Variants in TMEM182 observed in about 807,000 individuals in gnomAD.
TMEM182 encodes the protein transmembrane protein 182.
A neutral mutation model predicts 26.8 loss-of-function variants in TMEM182; 20 were observed. The ratio of observed to expected loss-of-function variants is 0.75; its 90% confidence interval spans 0.53 to 1.09. The LOEUF is 1.09. Among genes scored for constraint, TMEM182 ranks in the 50% least tolerant of loss-of-function variants. TMEM182 has a pLI of 0.00. For synonymous variants in TMEM182, 109 were observed against 102.2 expected (o/e 1.07, Z -0.40); for missense variants, 277 against 275.5 (o/e 1.01, Z -0.04).
chr2:102,779,436 T>C (rs1344925984), intron 3 of TMEM182, among the ~76,000 whole-genome samples: 1 of 152,216 alleles, frequency 6.6e-6, no homozygotes, highest in African/African-American at 2.4e-5. Context: ...TTTCTTCTGC[T>C]CTTCTGAGAT....
intron 3 of TMEM182, among the ~76,000 whole-genome samples, chr2:102,824,998 G>T (rs958432129): frequency 4.6e-5 from 7 of 152,154 alleles, no homozygotes; most frequent in African/African-American, 1.7e-4. Context: ...CTTTATAGGA[G>T]TGTGAGAAGG....
In TMEM182 at chr2:102,817,243, C is replaced by G. The variant is rs1396705117; in HGVS notation, c.*2275C>G. The G allele has an allele frequency of 2.0e-6, 2 of 985,076 alleles. No homozygotes were observed. Among genetic ancestry groups the G allele is most frequent in the African/African-American group, 3.5e-5 (2 of 57,182 alleles). The allele number at this position is 985,076 out of a possible 1,614,324, so 61.0% of individuals were successfully genotyped here. On this transcript the variant is annotated 3_prime_UTR_variant, in exon 5 of 5. Coordinates refer to ENST00000412401, the MANE Select transcript of TMEM182 (RefSeq NM_144632.5). Reference sequence around the variant, plus strand: ...CCAAATGTCCATGTTATGTTTATTTCTCTATTGGTTGTATTTATTAATTTT... The same window carrying G: ...CCAAATGTCCATGTTATGTTTATTTGTCTATTGGTTGTATTTATTAATTTT...
At chr2:102,831,214 A>G (rs1683142184) in intron 3 of TMEM182, among the ~76,000 whole-genome samples, 2 of 152,196 alleles carry the variant, frequency 1.3e-5, no homozygotes, top group African/African-American at 2.4e-5. Flanking sequence ...TCATTTGGGT[A>G]TACACCCAGC....
chr2:102,751,880 C>T (rs1679886260), intron 1 of TMEM182, among the ~76,000 whole-genome samples: 1 of 152,074 alleles, frequency 6.6e-6, no homozygotes, highest in Admixed American at 6.5e-5. Flanking sequence ...CTTGCCCAAG[C>T]TGGTCTTGAA....
intron 3 of TMEM182, among the ~76,000 whole-genome samples, chr2:102,837,202 C>T (rs1683262388): frequency 1.3e-5 from 2 of 152,074 alleles, no homozygotes; most frequent in African/African-American, 4.8e-5. Context: ...ATTTGAAAAA[C>T]AAATGTTAGA....
At chr2:102,791,293 T>A (rs796221955) in intron 3 of TMEM182, among the ~76,000 whole-genome samples, 3 of 152,318 alleles carry the variant, frequency 2.0e-5, no homozygotes, top group African/African-American at 7.2e-5. Context: ...GAAAATATTA[T>A]GTATAAAGGG....
chr2:102,800,165 C>G (rs1301822145), intron 4 of TMEM182, among the ~76,000 whole-genome samples: 1 of 152,172 alleles, frequency 6.6e-6, no homozygotes, highest in Non-Finnish European at 1.5e-5. Flanking sequence ...CAACATACAA[C>G]CTACCATTTT....
At chr2:102,776,023 T>TA (rs946865723) in intron 3 of TMEM182, among the ~76,000 whole-genome samples, 4 of 152,106 alleles carry the variant, frequency 2.6e-5, no homozygotes, top group African/African-American at 4.8e-5. Flanking sequence ...TTCAGTTTTT[T>TA]AAAAAAAGAA....
At chr2:102,834,609 C>T (rs1683208626) in intron 3 of TMEM182, among the ~76,000 whole-genome samples, 1 of 152,192 alleles carries the variant, frequency 6.6e-6, no homozygotes, top group African/African-American at 2.4e-5. Context: ...TGTTCAAGGA[C>T]TTGCCAAGGT....
At chr2:102,771,134 A>G (rs1460500701) in intron 3 of TMEM182, among the ~76,000 whole-genome samples, 1 of 152,216 alleles carries the variant, frequency 6.6e-6, no homozygotes, top group Non-Finnish European at 1.5e-5. Flanking sequence ...TGTTTTAGTT[A>G]GCTAGAAAAA....
intron 4 of TMEM182, among the ~76,000 whole-genome samples, chr2:102,803,661 G>A (rs999930824): frequency 4.6e-5 from 7 of 152,116 alleles, no homozygotes; most frequent in Admixed American, 4.6e-4. Context: ...CAGAAACCAA[G>A]CAACATAGTT....
chr2:102,817,228 A>T lies in TMEM182; in HGVS notation c.*2260A>T. ...TGAGATACTGTGTTGCCAAATGTCCATGTTATGTTTATTTCTCTATTGGTT... is the reference window on the plus strand; with the variant it reads ...TGAGATACTGTGTTGCCAAATGTCCTTGTTATGTTTATTTCTCTATTGGTT... On this transcript the variant is annotated 3_prime_UTR_variant, in exon 5 of 5. Transcript: ENST00000412401. 1.0e-6 allele frequency: 1 copy of T among 985,392 alleles called. No homozygotes were observed. The highest frequency in any genetic ancestry group is 4.7e-5 in the South Asian group (1 of 21,288). The allele number at this position is 985,392 out of a possible 1,614,324, so 61.0% of individuals were successfully genotyped here. A position where few individuals can be genotyped will look rare whatever the true frequency, so the allele number is the denominator to read the frequency against.
intron 3 of TMEM182, among the ~76,000 whole-genome samples, chr2:102,768,034 C>T (rs1680522855): frequency 6.6e-6 from 1 of 152,020 alleles, no homozygotes; most frequent in South Asian, 2.1e-4. Context: ...GTTCAAACTT[C>T]AGTTTCCCAA....
chr2:102,745,008 T>G (rs777014161), intron 1 of TMEM182, among the ~76,000 whole-genome samples: 46 of 152,142 alleles, frequency 3.0e-4, no homozygotes, highest in Non-Finnish European at 5.7e-4. Context: ...CTTTCCCATT[T>G]TCTTTATCTT....
intron 3 of TMEM182, among the ~76,000 whole-genome samples, chr2:102,830,377 A>G (rs1390789261): frequency 1.3e-5 from 2 of 152,128 alleles, no homozygotes; most frequent in African/African-American, 4.8e-5. Flanking sequence ...CTTGGGTTTT[A>G]AGGGTTCTGT....
At chr2:102,745,701 G>A (rs539109001) in intron 1 of TMEM182, among the ~76,000 whole-genome samples, 2 of 152,154 alleles carry the variant, frequency 1.3e-5, no homozygotes, top group East Asian at 3.9e-4. Context: ...ATATTTATCT[G>A]TTCTGTATAT....
At chr2:102,759,356 G>A (rs1294235914), upstream of TMEM182, among the ~76,000 whole-genome samples, 3 of 152,212 alleles carry the variant, frequency 2.0e-5, no homozygotes, top group East Asian at 1.9e-4. Flanking sequence ...GGGCGTGTGG[G>A]GGAGCAGTAA....
chr2:102,842,004 C>T (rs1288603750), intron 3 of TMEM182, among the ~76,000 whole-genome samples: 8 of 152,170 alleles, frequency 5.3e-5, no homozygotes, highest in African/African-American at 1.9e-4. Flanking sequence ...AATCCAGATG[C>T]ATCACTGAAA....
intron 1 of TMEM182, among the ~76,000 whole-genome samples, chr2:102,749,462 C>G (rs1446468830): frequency 2.0e-5 from 3 of 152,094 alleles, no homozygotes; most frequent in African/African-American, 7.2e-5. Context: ...TGCAAATAGG[C>G]AATTTCTTAC....
Sources: gnomAD v4.1 joint callset for allele counts (sites outside exome capture counted in the v4.1 genomes callset) on GRCh38, gnomAD v4.1.1 for gene constraint, MANE v1.5 for transcripts, NCBI Gene and HGNC (gene_info 2026-07-23, HGNC 2026-07-21) for gene names.